The following NEB variants were observed in gnomAD, a reference collection of about 807,000 sequenced individuals.
The protein encoded by NEB is nemaline myopathy type 2.
NEB carries 512 observed loss-of-function variants against 952.2 expected under a neutral mutation model. The ratio of observed to expected loss-of-function variants is 0.54; its 90% CI spans 0.50 to 0.58. The LOEUF is 0.58. Ranked by LOEUF, NEB falls within the 20% of genes least tolerant of loss-of-function variation. The probability of loss-of-function intolerance (pLI) is 0.00; values close to 1 mark genes in which losing one functional copy is unlikely to be tolerated. For synonymous variants in NEB, 2,900 were observed against 3,149.8 expected (o/e 0.92, Z 2.66); for missense variants, 8,428 against 9,231.1 (o/e 0.91, Z 3.56).
At chr2:151,512,685 T>C in intron 161 of NEB, 48 bp downstream of exon 161, 1 of 1,304,392 alleles carries the variant, frequency 7.7e-7, no homozygotes, top group Non-Finnish European at 1.1e-6. Context: ...GGACTTCCAT[T>C]CTTTCATGAT....
At position 151,643,801 on chromosome 2, in the gene NEB, G is replaced by A; in HGVS notation, c.7956+17C>T. ...AGACATAATGTTTTGTTGGCCAAAG[G>A]AAAATCTTAGACTCACATCGCTCTG... On this transcript the variant is annotated intron_variant, in intron 57 of 181. Coordinates refer to ENST00000397345, the MANE Select transcript of NEB (RefSeq NM_001164508.2). The A allele has an allele frequency of 6.2e-7, 1 of 1,606,464 alleles. No individual in the cohort carries two copies. The highest frequency in any genetic ancestry group is 1.1e-5 in the South Asian group (1 of 90,742).
chr2:151,685,907 G>C (rs1168500932), intron 27 of NEB, among the ~76,000 whole-genome samples: 11 of 152,276 alleles, frequency 7.2e-5, no homozygotes, highest in South Asian at 4.1e-4. Context: ...AATTCCTTTT[G>C]CAAATGATCT....
chr2:151,679,570 T>C (rs960297497), intron 32 of NEB, 151 bp downstream of exon 32: 125 of 611,264 alleles, frequency 2.0e-4, no homozygotes, highest in Non-Finnish European at 2.8e-4. Flanking sequence ...AATTTAAATC[T>C]ATTTAGGGAA....
chr2:151,680,146 C>T lies in NEB; in HGVS notation c.3043-124G>A, dbSNP rs1228093169. ...GGTTTTAGGAAGGACACTCTTTGTG[C>T]ATTTGCATATTCATGTGCAAATATC... On this transcript the variant is annotated intron_variant, in intron 30 of 181. Coordinates refer to ENST00000397345, the MANE Select transcript of NEB (RefSeq NM_001164508.2). 1.1e-5 allele frequency: 8 copies of T among 724,098 alleles called. No homozygotes were observed. The East Asian group carries it at 2.2e-4, about 19-fold the overall frequency. 44.9% of individuals were successfully genotyped at this position (724,098 alleles called of 1,614,324 possible).
Position 151,627,022 on chromosome 2 carries a change from T to G in NEB, c.10327A>C (p.Asn3443His). The change falls in exon 70 of 182, where the codon AAT (asparagine) becomes CAT (histidine). Residue 3443 changes from asparagine to histidine, a missense_variant. Asn to His is a moderately conservative substitution (Grantham distance 68). Around this residue, in one of 11 missense-constraint regions of NEB, gnomAD observed 1,772 missense variants for 1,960.3 expected, o/e 0.90. Transcript: ENST00000397345. ...CTCACCTTGTTCATATTGAGAGCAT[T>G]GTTCTTGGCCAGCACCTGCTCTAGA... ...DSLEQVLAKNNALNMNKRLYT... is the reference protein window; with the variant it reads ...DSLEQVLAKNHALNMNKRLYT... 6.2e-7 allele frequency: 1 copy of G among 1,613,986 alleles called. No individual in the cohort carries two copies. Among genetic ancestry groups the G allele is most frequent in the Non-Finnish European group, 8.5e-7 (1 of 1,179,872 alleles).
intron 156 of NEB, among the ~76,000 whole-genome samples, chr2:151,516,988 C>A (rs2078067988): frequency 6.6e-6 from 1 of 152,146 alleles, no homozygotes; most frequent in South Asian, 2.1e-4. Context: ...TTCACAAGAA[C>A]TTTTATCAGA....
At position 151,692,318 on chromosome 2, in the gene NEB, C is replaced by A. The variant is rs759747841; in HGVS notation, c.1941G>T (p.Met647Ile). The change falls in exon 21 of 182, where the codon ATG (methionine) becomes ATT (isoleucine). Residue 647 changes from methionine (M) to isoleucine (I), a missense_variant. Transcript: ENST00000397345. ...ENYEKTKAKS[M>I]NYCETPKYQL... ...GATATTTTGGGGTCTCACAGTAATT[C>A]ATACTCTTTGCCTTTGTCTTCTCAT... 1 of 1,613,568 alleles carries A rather than the reference C, an allele frequency of 6.2e-7. No homozygotes were observed. The highest frequency in any genetic ancestry group is 8.5e-7 in the Non-Finnish European group (1 of 1,179,698).
At chr2:151,720,610 G>T (rs556253692) in intron 9 of NEB, among the ~76,000 whole-genome samples, 6 of 152,136 alleles carry the variant, frequency 3.9e-5, no homozygotes, top group African/African-American at 1.4e-4. Flanking sequence ...GCATTAGAAT[G>T]GTATGAAGGT....
In NEB at chr2:151,493,418, C is replaced by A; in HGVS notation, c.24700G>T (p.Ala8234Ser). ...TCTGGAGTAACAGGTGTCGGAGTTG[C>A]TTTTCTCATGTTCTCTTTGTACAAT... is the stretch of plus-strand genomic sequence containing the variant. Reference protein sequence around the residue: ...SVLYKENMRKATPTPVTPEME... With the variant: ...SVLYKENMRKSTPTPVTPEME... Residue 8234 changes from alanine (A) to serine (S), a missense_variant, in exon 176 of 182, where the codon GCA becomes TCA. By Grantham distance (99) the Ala-to-Ser change is moderately conservative. Around this residue, in one of 11 missense-constraint regions of NEB, gnomAD observed 3,374 missense variants for 3,651.5 expected, o/e 0.92. Transcript: ENST00000397345. 6.2e-7 allele frequency: 1 copy of A among 1,607,274 alleles called. No homozygotes were observed. The highest frequency in any genetic ancestry group is 8.5e-7 in the Non-Finnish European group (1 of 1,177,914).
chr2:151,570,502 T>G lies in NEB; in HGVS notation c.17113A>C (p.Ser5705Arg), dbSNP rs777639198. 3 of 1,604,544 alleles carry G rather than the reference T, an allele frequency of 1.9e-6. No homozygotes were observed. The East Asian group carries it at 6.7e-5, about 36-fold the overall frequency. The change falls in exon 108 of 182, where the codon AGT becomes CGT. Residue 5705 changes from serine (S) to arginine (R), a missense_variant. Transcript: ENST00000397345. Reference sequence around the variant, plus strand: ...AGTTAAAAAAGGCCACTCACGTCACTGGCAATCTCCCTGGAGGCCTTGGCA... The same window carrying G: ...AGTTAAAAAAGGCCACTCACGTCACGGGCAATCTCCCTGGAGGCCTTGGCA... The part of the protein sequence containing the change: ...QAAKASREIA[S>R]DYKYKLDHEK...
chr2:151,634,544 A>G (rs1033367890), intron 64 of NEB, among the ~76,000 whole-genome samples: 3 of 152,260 alleles, frequency 2.0e-5, no homozygotes, highest in Admixed American at 6.5e-5. Flanking sequence ...TGGGAGGCTG[A>G]GGCAGGAGAA....
Position 151,575,442 on chromosome 2 carries a change from G to A in NEB, c.17013+253C>T, listed in dbSNP as rs532715542. On this transcript the variant is annotated intron_variant, in intron 107 of 181. Transcript: ENST00000397345. Reference sequence around the variant, plus strand: ...TCTTCATTCGTCTTTCACCTTCTTTGTCCCCTTATTCAAAAAGGACAACTA... The same window carrying A: ...TCTTCATTCGTCTTTCACCTTCTTTATCCCCTTATTCAAAAAGGACAACTA... Among the ~76,000 whole-genome samples the A allele has an allele frequency of 4.0e-5, 6 of 151,846 alleles. No homozygotes were observed. In the East Asian group the frequency reaches 1.2e-3, roughly 29 times the overall value.
intron 162 of NEB, 198 bp downstream of exon 162, chr2:151,507,807 A>G: frequency 1.8e-6 from 1 of 548,316 alleles, no homozygotes; most frequent in Non-Finnish European, 3.3e-6. Context: ...GAAGTAACAG[A>G]TGAGTCTTTC....
At chr2:151,681,901 T>A (rs2099416514) in intron 29 of NEB, among the ~76,000 whole-genome samples, 1 of 152,156 alleles carries the variant, frequency 6.6e-6, no homozygotes, top group Admixed American at 6.5e-5. Context: ...TTATTCATAA[T>A]CACAAAAAAA....
intron 153 of NEB, 87 bp from the exon 154 acceptor site, chr2:151,519,855 A>G (rs78193127): frequency 4.7e-6 from 4 of 844,264 alleles, no homozygotes; most frequent in East Asian, 4.9e-5. Flanking sequence ...ATGCCAAAGA[A>G]TATGCATTGT....
chr2:151,510,519 C>T (rs532173583), intron 161 of NEB, among the ~76,000 whole-genome samples: 17 of 152,328 alleles, frequency 1.1e-4, no homozygotes, highest in East Asian at 1.9e-4. Flanking sequence ...TCACTTTCCA[C>T]GGTTTCAGTT....
intron 105 of NEB, among the ~76,000 whole-genome samples, chr2:151,576,935 C>T (rs2096887920): frequency 6.6e-6 from 1 of 152,128 alleles, no homozygotes; most frequent in Non-Finnish European, 1.5e-5. Flanking sequence ...GCTTGGTTTT[C>T]TGTGGCAAGG....
Position 151,516,262 on chromosome 2 carries a change from T to C in NEB, c.22905+197A>G, listed in dbSNP as rs567168669. Among the ~76,000 whole-genome samples the C allele has an allele frequency of 8.5e-5, 13 of 152,348 alleles. No individual in the cohort carries two copies. In the South Asian group the frequency reaches 2.7e-3, roughly 32 times the overall value. On this transcript the variant is annotated intron_variant, in intron 157 of 181. Transcript: ENST00000397345. Reference sequence around the variant, plus strand: ...CTGTTGAAATAAGACATATGGTAAATATTTACTACCTAGAGCATTTTTAAA... The same window carrying C: ...CTGTTGAAATAAGACATATGGTAAACATTTACTACCTAGAGCATTTTTAAA...
chr2:151,614,627 T>G, intron 76 of NEB, 40 bp from the exon 77 acceptor site: 1 of 1,555,028 alleles, frequency 6.4e-7, no homozygotes, highest in Non-Finnish European at 8.8e-7. Flanking sequence ...CAAGAACATC[T>G]TATATAATCA....
Sources: gnomAD v4.1 joint callset for allele counts (sites outside exome capture counted in the v4.1 genomes callset) on GRCh38, gnomAD v4.1.1 for gene constraint, gnomAD v4.1.1 regional missense constraint, MANE v1.5 for transcripts, NCBI Gene and HGNC (gene_info 2026-07-23, HGNC 2026-07-21) for gene names.